HTRA4: variants seen among roughly 807,000 people sequenced by gnomAD.
HTRA4 encodes serine protease HTRA4.
HTRA4 carries 46 observed loss-of-function variants against 49.1 expected under a neutral mutation model. The ratio of observed to expected loss-of-function variants is 0.94; its 90% CI spans 0.74 to 1.20. HTRA4 has a LOEUF of 1.20. HTRA4 is among the 50% of genes most tolerant of loss of function. The pLI, the probability that HTRA4 is intolerant of heterozygous loss-of-function variation, is 0.00. For missense variants in HTRA4, 602 were observed against 636.9 expected (o/e 0.95, Z 0.59); for synonymous variants, 261 against 264.0 (o/e 0.99, Z 0.11).
intron 3 of HTRA4, 94 bp from the exon 4 acceptor site, chr8:38,977,859 T>A (rs1835371429): frequency 8.5e-6 from 11 of 1,295,220 alleles, no homozygotes; most frequent in Non-Finnish European, 1.2e-5. Flanking sequence ...AGAGACAGCG[T>A]CATATATGTG....
chr8:38,987,398 G>C (rs553612056), intron 8 of HTRA4, among the ~76,000 whole-genome samples: 10 of 131,898 alleles, frequency 7.6e-5, no homozygotes, highest in African/African-American at 2.8e-4. Flanking sequence ...AAGGTTGGCG[G>C]GTTTTTGATT....
intron 2 of HTRA4, 29 bp downstream of exon 2, chr8:38,975,159 G>A (rs756003535): frequency 1.3e-6 from 2 of 1,596,114 alleles, no homozygotes; most frequent in Non-Finnish European, 8.6e-7. Flanking sequence ...GACCTCCACT[G>A]TCCCAGCTAA....
chr8:38,984,795 G>T (rs1207406763), intron 8 of HTRA4, among the ~76,000 whole-genome samples: 1 of 152,028 alleles, frequency 6.6e-6, no homozygotes, highest in Non-Finnish European at 1.5e-5. Context: ...GTGGTGGTTT[G>T]CACCTGTGGT....
intron 2 of HTRA4, 97 bp downstream of exon 2, chr8:38,975,227 A>T: frequency 3.2e-6 from 4 of 1,246,032 alleles, no homozygotes; most frequent in Non-Finnish European, 4.6e-6. Context: ...AATCCTAAAA[A>T]ACCAGTGAGG....
At chr8:38,981,036 C>T (rs1046030351) in intron 5 of HTRA4, among the ~76,000 whole-genome samples, 1 of 131,346 alleles carries the variant, frequency 7.6e-6, no homozygotes, top group Admixed American at 7.9e-5. Flanking sequence ...GTCAATGTAA[C>T]TTACTAAAGG....
At chr8:38,979,165 G>A in intron 4 of HTRA4, 50 bp from the exon 5 acceptor site, 4 of 1,499,232 alleles carry the variant, frequency 2.7e-6, no homozygotes, top group Non-Finnish European at 3.7e-6. Flanking sequence ...AGGACAAGGG[G>A]GAATGTATTC....
chr8:38,981,063 G>GTTTTTTTTTTTTTTTTTTTTT (rs71216700), intron 5 of HTRA4, among the ~76,000 whole-genome samples: 1 of 48,144 alleles, frequency 2.1e-5, no homozygotes, highest in African/African-American at 6.1e-5. Flanking sequence ...ATGAGCTTAA[G>GTTTTTTTTTTTTTTTTTTTTT]TTTTTTTTTT....
At chr8:38,985,417 C>A (rs1460164378) in intron 8 of HTRA4, among the ~76,000 whole-genome samples, 1 of 152,202 alleles carries the variant, frequency 6.6e-6, no homozygotes, top group Non-Finnish European at 1.5e-5. Context: ...CCTCGGGCTC[C>A]CAAAGTGCTG....
At chr8:38,986,054 G>C (rs1042102978) in intron 8 of HTRA4, among the ~76,000 whole-genome samples, 3 of 152,108 alleles carry the variant, frequency 2.0e-5, no homozygotes, top group African/African-American at 7.2e-5. Flanking sequence ...GGTGCCTGTA[G>C]GGAGGCTGAG....
chr8:38,987,117 CAT>C (rs1196536417), intron 8 of HTRA4, among the ~76,000 whole-genome samples: 3 of 152,298 alleles, frequency 2.0e-5, no homozygotes, highest in South Asian at 4.1e-4. Flanking sequence ...TTAAACTCCA[CAT>C]ATCTTGATGA....
chr8:38,982,931 C>T, intron 7 of HTRA4, 22 bp from the exon 8 acceptor site: 1 of 1,541,262 alleles, frequency 6.5e-7, no homozygotes, highest in Non-Finnish European at 9.0e-7. Flanking sequence ...TCATTGTTTC[C>T]TAATCTTCTC....
rs772767787 is a variant in HTRA4 at position 38,979,214 on chromosome 8, G to A, written c.967-1G>A. On this transcript the variant is annotated splice_acceptor_variant, in intron 4 of 8. Coordinates refer to ENST00000302495, the MANE Select transcript of HTRA4 (RefSeq NM_153692.4). LOFTEE classifies it high-confidence loss of function. ...ATGTCTTTTTCAAATTCTGCTTTTA[G>A]TATGGGAATTCTGGTGGTCCTCTGG... 6 of 1,612,544 alleles carry A rather than the reference G, an allele frequency of 3.7e-6. No homozygotes were observed. In the East Asian group the frequency reaches 8.9e-5, roughly 24 times the overall value.
rs1443834652 is a variant in HTRA4, at chr8:38,974,301, G to T, written c.38G>T (p.Arg13Leu). The T allele has an allele frequency of 1.2e-6, 2 of 1,612,424 alleles. No homozygotes were observed. The highest frequency in any genetic ancestry group is 2.2e-5 in the East Asian group (1 of 44,840). ...CAGCTGCGGACCGCGGGGCTGGGAC[G>T]ATGCCTCCTGCCGGGGCTGCTGCTG... ...RPQLRTAGLGRCLLPGLLLLL... is the reference protein window; with the variant it reads ...RPQLRTAGLGLCLLPGLLLLL... The change falls in exon 1 of 9, where the codon CGA becomes CTA. Residue 13 changes from arginine (R) to leucine (L), a missense_variant. By Grantham distance (102) the Arg-to-Leu change is moderately radical. Coordinates refer to ENST00000302495, the MANE Select transcript of HTRA4 (RefSeq NM_153692.4).
chr8:38,979,905 A>G (rs1351744635), intron 5 of HTRA4, among the ~76,000 whole-genome samples: 2 of 152,204 alleles, frequency 1.3e-5, no homozygotes, highest in East Asian at 3.8e-4. Context: ...GATGCTGCAT[A>G]TGAAGAACTA....
chr8:38,978,522 C>T (rs151040081), intron 4 of HTRA4, among the ~76,000 whole-genome samples: 1 of 152,248 alleles, frequency 6.6e-6, no homozygotes, highest in African/African-American at 2.4e-5. Context: ...TCAGATCACA[C>T]AATATTGGCA....
intron 5 of HTRA4, among the ~76,000 whole-genome samples, chr8:38,979,796 C>T (rs1164665481): frequency 2.0e-5 from 3 of 152,090 alleles, no homozygotes; most frequent in African/African-American, 7.2e-5. Flanking sequence ...GGATTACAGG[C>T]ATGAGCCACC....
intron 8 of HTRA4, among the ~76,000 whole-genome samples, chr8:38,986,292 A>T (rs1017572571): frequency 5.3e-5 from 8 of 152,032 alleles, no homozygotes; most frequent in African/African-American, 1.7e-4. Context: ...TATTATTATT[A>T]TTTTTTTGAG....
intron 5 of HTRA4, among the ~76,000 whole-genome samples, chr8:38,980,274 GTT>G (rs546665109): frequency 2.1e-5 from 3 of 140,084 alleles, no homozygotes; most frequent in Admixed American, 7.1e-5. Flanking sequence ...CAAAATGATT[GTT>G]TTTTTTTTTT....
At chr8:38,983,539 T>A (rs1354636324) in intron 8 of HTRA4, among the ~76,000 whole-genome samples, 1 of 151,984 alleles carries the variant, frequency 6.6e-6, no homozygotes, top group African/African-American at 2.4e-5. Flanking sequence ...AAAAAAAATA[T>A]TATCATTATA....
Sources: gnomAD v4.1 joint callset for allele counts (sites outside exome capture counted in the v4.1 genomes callset) on GRCh38, gnomAD v4.1.1 for gene constraint, MANE v1.5 for transcripts, NCBI Gene and HGNC (gene_info 2026-07-23, HGNC 2026-07-21) for gene names.